Variants in DSCAM observed in about 807,000 individuals in gnomAD.
The protein encoded by DSCAM is DS cell adhesion molecule, also known as cell adhesion molecule DSCAM.
In DSCAM, 47 loss-of-function variants were observed where a neutral mutation model predicts 217.7. The ratio of observed to expected loss-of-function variants is 0.22; its 90% CI spans 0.17 to 0.28. The LOEUF (loss-of-function observed/expected upper bound fraction) is 0.28, where lower values mean the gene tolerates loss of function less well. Ranked by LOEUF, DSCAM falls within the 10% of genes least tolerant of loss-of-function variation. The pLI is 1.00. For synonymous variants in DSCAM, 1,056 were observed against 1,015.3 expected, an observed-to-expected ratio of 1.04 and a Z score of -0.76; for missense variants, 2,080 against 2,618.3, an observed-to-expected ratio of 0.79 and a Z score of 4.49.
chr21:40,623,249 A>C (rs377160970), intron 3 of DSCAM, among the ~76,000 whole-genome samples: 8 of 147,326 alleles, frequency 5.4e-5, no homozygotes, highest in Non-Finnish European at 1.2e-4. Context: ...AAAAAAAAAA[A>C]CACATTAAAA....
chr21:40,679,064 C>T (rs1236303951), intron 3 of DSCAM, among the ~76,000 whole-genome samples: 1 of 152,318 alleles, frequency 6.6e-6, no homozygotes, highest in East Asian at 1.9e-4. Flanking sequence ...TAGGAGATGT[C>T]AGCTATGAAA....
chr21:40,134,962 A>G (rs958701716), intron 18 of DSCAM, among the ~76,000 whole-genome samples: 6 of 152,222 alleles, frequency 3.9e-5, no homozygotes, highest in Non-Finnish European at 8.8e-5. Flanking sequence ...CTTCACTTTC[A>G]GGAGTGGGAT....
intron 11 of DSCAM, among the ~76,000 whole-genome samples, chr21:40,198,005 AC>A (rs1387711069): frequency 1.3e-5 from 2 of 151,908 alleles, no homozygotes; most frequent in Non-Finnish European, 2.9e-5. Context: ...AAGCCTGAAC[AC>A]CCTTGGAAGC....
At chr21:40,835,357 T>C (rs1370874554) in intron 1 of DSCAM, among the ~76,000 whole-genome samples, 1 of 152,190 alleles carries the variant, frequency 6.6e-6, no homozygotes, top group Non-Finnish European at 1.5e-5. Flanking sequence ...GTGAGCTATT[T>C]TAAACTGAAA....
At chr21:40,296,769 T>G (rs1438307996) in intron 9 of DSCAM, among the ~76,000 whole-genome samples, 1 of 140,684 alleles carries the variant, frequency 7.1e-6, no homozygotes, top group Non-Finnish European at 1.5e-5. Context: ...AAGCGGAGGT[T>G]GCAGTGAGCT....
chr21:40,403,419 T>G (rs1403842643), intron 3 of DSCAM, among the ~76,000 whole-genome samples: 1 of 151,932 alleles, frequency 6.6e-6, no homozygotes. Context: ...CACCTCAGTA[T>G]CCCATGTAGC....
At chr21:40,275,121 T>G (rs1245224964) in intron 11 of DSCAM, among the ~76,000 whole-genome samples, 1 of 151,844 alleles carries the variant, frequency 6.6e-6, no homozygotes, top group Non-Finnish European at 1.5e-5. Context: ...GGGAAGGAGC[T>G]TGAGACCAGC....
intron 3 of DSCAM, among the ~76,000 whole-genome samples, chr21:40,487,221 T>C (rs536167711): frequency 6.6e-6 from 1 of 151,706 alleles, no homozygotes; most frequent in Non-Finnish European, 1.5e-5. Flanking sequence ...TCCCTCTCTC[T>C]ATAACCTGTA....
At chr21:40,028,712 GCA>G (rs895932637) in intron 32 of DSCAM, among the ~76,000 whole-genome samples, 4 of 152,000 alleles carry the variant, frequency 2.6e-5, no homozygotes, top group Non-Finnish European at 1.5e-5. Context: ...TTCGGCTCAC[GCA>G]CAGTGTGCGC....
intron 11 of DSCAM, among the ~76,000 whole-genome samples, chr21:40,266,029 T>C (rs1414562678): frequency 6.6e-6 from 1 of 152,184 alleles, no homozygotes; most frequent in Non-Finnish European, 1.5e-5. Flanking sequence ...AAAAAGCTTC[T>C]GCACAGCAAA....
At chr21:40,707,715 C>G (rs1009857755) in intron 2 of DSCAM, among the ~76,000 whole-genome samples, 2 of 152,204 alleles carry the variant, frequency 1.3e-5, no homozygotes, top group African/African-American at 4.8e-5. Context: ...AATTAAAATG[C>G]TGTTTGCTAA....
At chr21:40,185,784 T>G (rs560808606) in intron 14 of DSCAM, among the ~76,000 whole-genome samples, 2 of 152,310 alleles carry the variant, frequency 1.3e-5, no homozygotes, top group African/African-American at 4.8e-5. Flanking sequence ...GGAAACCTGT[T>G]GGTCCTAGTC....
At chr21:40,757,333 T>A (rs1335042783) in intron 1 of DSCAM, among the ~76,000 whole-genome samples, 1 of 152,202 alleles carries the variant, frequency 6.6e-6, no homozygotes, top group African/African-American at 2.4e-5. Context: ...CCCATGTGTA[T>A]ATATTGTTAC....
At chr21:40,553,621 C>G (rs1350720423) in intron 3 of DSCAM, among the ~76,000 whole-genome samples, 1 of 152,164 alleles carries the variant, frequency 6.6e-6, no homozygotes, top group African/African-American at 2.4e-5. Context: ...CCAATCCTTC[C>G]TCTTCTAGCC....
intron 1 of DSCAM, among the ~76,000 whole-genome samples, chr21:40,787,522 C>A (rs565227634): frequency 1.3e-5 from 2 of 152,266 alleles, no homozygotes; most frequent in South Asian, 4.2e-4. Context: ...GGTTATCTTG[C>A]ATTGTTTACA....
chr21:40,657,412 G>A (rs2090088239), intron 3 of DSCAM, among the ~76,000 whole-genome samples: 1 of 152,174 alleles, frequency 6.6e-6, no homozygotes, highest in African/African-American at 2.4e-5. Flanking sequence ...ATAAACCAGG[G>A]TACGACTCCT....
intron 3 of DSCAM, among the ~76,000 whole-genome samples, chr21:40,539,899 G>A (rs747240469): frequency 6.6e-5 from 10 of 152,100 alleles, no homozygotes; most frequent in Non-Finnish European, 1.2e-4. Context: ...ATTTTCCCAT[G>A]TACTCACAAA....
chr21:40,610,899 GA>G lies in DSCAM; in HGVS notation c.508+81910del, dbSNP rs548065317. Among the ~76,000 whole-genome samples, 4 of 152,246 alleles carry G rather than the reference GA, an allele frequency of 2.6e-5. No homozygotes were observed. The East Asian group carries it at 7.7e-4, about 29-fold the overall frequency. On this transcript the variant is annotated intron_variant, in intron 3 of 32. Transcript: ENST00000400454. ...CCTCTAAAGAGTGAGAGTGCTTGCA[GA>G]ATTTCTCCAAGTACATTTCACCCTA... is the stretch of plus-strand genomic sequence containing the variant.
At chr21:40,834,598 T>C (rs1032979626) in intron 1 of DSCAM, among the ~76,000 whole-genome samples, 4 of 151,878 alleles carry the variant, frequency 2.6e-5, no homozygotes, top group African/African-American at 9.7e-5. Context: ...ATCAAAGACC[T>C]TTAGGGAGAC....
Sources: allele counts gnomAD v4.1 joint callset (sites outside exome capture counted in the v4.1 genomes callset), GRCh38; gene constraint gnomAD v4.1.1; transcripts MANE v1.5; gene names NCBI Gene and HGNC (gene_info 2026-07-23, HGNC 2026-07-21).